Variants in PIAS1 observed in about 807,000 individuals in gnomAD.
PIAS1 encodes the protein protein inhibitor of activated STAT 1.
Under a neutral mutation model 71.3 loss-of-function variants are expected in PIAS1, and 6 were observed. The ratio of observed to expected loss-of-function variants is 0.08; its 90% CI spans 0.05 to 0.17. The LOEUF is 0.17. Among genes scored for constraint, PIAS1 ranks in the 10% least tolerant of loss-of-function variants. The probability of loss-of-function intolerance (pLI) is 1.00; values close to 1 mark genes in which losing one functional copy is unlikely to be tolerated. For missense variants in PIAS1, 555 were observed against 793.6 expected, an observed-to-expected ratio of 0.70 and a Z score of 3.61; for synonymous variants, 303 against 292.9, an observed-to-expected ratio of 1.03 and a Z score of -0.35.
Position 68,188,523 on chromosome 15 carries a change from A to G in PIAS1, c.*688A>G, listed in dbSNP as rs932472935. ...ATATAATCAGTTGCTTGCTTCTTTC[A>G]AAGTGCTTTGAAGGTCTTGAACTCA... is the stretch of plus-strand genomic sequence containing the variant. On this transcript the variant is annotated 3_prime_UTR_variant, in exon 14 of 14. Coordinates refer to ENST00000249636, the MANE Select transcript of PIAS1 (RefSeq NM_016166.3). The G allele has an allele frequency of 6.6e-6, 1 of 152,174 alleles. No homozygotes were observed. The highest frequency in any genetic ancestry group is 2.4e-5 in the African/African-American group (1 of 41,430). 9.4% of individuals were successfully genotyped at this position (152,174 alleles called of 1,614,324 possible).
Position 68,171,396 on chromosome 15 carries a change from G to A in PIAS1, c.1009-2336G>A, listed in dbSNP as rs1321472422. On this transcript the variant is annotated intron_variant, in intron 8 of 13. Transcript: ENST00000249636. This position sits in a 1 kb window ranked among gnomAD's most constrained non-coding sequence, Gnocchi z 4.4. ...CTCCAAAATAATGATAAAAAGTATAGTAAATACAGAAACCAGTAACATGGC... is the reference window on the plus strand; with the variant it reads ...CTCCAAAATAATGATAAAAAGTATAATAAATACAGAAACCAGTAACATGGC... 2.6e-5 allele frequency among the ~76,000 whole-genome samples: 4 copies of A among 152,054 alleles called. No individual in the cohort carries two copies. Among genetic ancestry groups the A allele is most frequent in the African/African-American group, 9.7e-5 (4 of 41,396 alleles).
intron 1 of PIAS1, among the ~76,000 whole-genome samples, chr15:68,061,144 G>T (rs1173564911): frequency 6.6e-6 from 1 of 152,188 alleles, no homozygotes. Flanking sequence ...GAAATTGATC[G>T]TACTCTAAAT....
At chr15:68,169,909 G>A (rs1458973467) in intron 8 of PIAS1, among the ~76,000 whole-genome samples, 2 of 152,084 alleles carry the variant, frequency 1.3e-5, no homozygotes, top group Non-Finnish European at 2.9e-5. Flanking sequence ...GAGTGATTAA[G>A]TAAAATAACA....
chr15:68,186,740 A>C lies in PIAS1; in HGVS notation c.1663-802A>C, dbSNP rs1567083246. Among the ~76,000 whole-genome samples the C allele has an allele frequency of 6.6e-6, 1 of 152,184 alleles. No individual in the cohort carries two copies. The highest frequency in any genetic ancestry group is 1.5e-5 in the Non-Finnish European group (1 of 68,030). On this transcript the variant is annotated intron_variant, in intron 13 of 13. Coordinates refer to ENST00000249636, the MANE Select transcript of PIAS1 (RefSeq NM_016166.3). This position sits in a 1 kb window ranked among gnomAD's most constrained non-coding sequence, Gnocchi z 4.4. ...ACCATATTTTTACTGTACCTTTTCT[A>C]TGTTGAGATATACACATACTTAGCA...
chr15:68,063,652 T>C (rs2091984841), intron 1 of PIAS1, among the ~76,000 whole-genome samples: 1 of 152,230 alleles, frequency 6.6e-6, no homozygotes, highest in African/African-American at 2.4e-5. Flanking sequence ...CTAAAAATTA[T>C]CTTTTTAAAA....
chr15:68,144,001 G>C (rs889137341), intron 4 of PIAS1, among the ~76,000 whole-genome samples: 2 of 151,880 alleles, frequency 1.3e-5, no homozygotes, highest in Non-Finnish European at 2.9e-5. Flanking sequence ...CTTTAAAGCA[G>C]CAACAGGTGT....
At chr15:68,114,822 A>G (rs527888219) in intron 2 of PIAS1, among the ~76,000 whole-genome samples, 29 of 152,152 alleles carry the variant, frequency 1.9e-4, no homozygotes, top group Middle Eastern at 3.4e-3. Flanking sequence ...CTGTGGAACA[A>G]TATAAAAGAT....
intron 2 of PIAS1, among the ~76,000 whole-genome samples, chr15:68,111,399 G>C (rs1361734094): frequency 6.6e-6 from 1 of 152,190 alleles, no homozygotes; most frequent in Non-Finnish European, 1.5e-5. Context: ...TATTGCAGGG[G>C]TGTAGTAATT....
At chr15:68,126,021 A>G (rs1052342114) in intron 2 of PIAS1, among the ~76,000 whole-genome samples, 4 of 151,752 alleles carry the variant, frequency 2.6e-5, no homozygotes, top group African/African-American at 9.7e-5. Flanking sequence ...CTTTTTCTGT[A>G]ACCTGTTCTT....
chr15:68,065,821 G>T (rs1555422381), intron 1 of PIAS1, among the ~76,000 whole-genome samples: 2 of 134,762 alleles, frequency 1.5e-5, no homozygotes, highest in Non-Finnish European at 3.1e-5. Flanking sequence ...GCTCACTGCA[G>T]CTTCGAACTC....
intron 8 of PIAS1, among the ~76,000 whole-genome samples, chr15:68,170,152 G>A (rs1361106623): frequency 6.6e-6 from 1 of 152,134 alleles, no homozygotes; most frequent in African/African-American, 2.4e-5. Context: ...GTTTCTAGTA[G>A]GAGGAGACAC....
intron 2 of PIAS1, among the ~76,000 whole-genome samples, chr15:68,098,944 T>A (rs868717645): frequency 6.6e-6 from 1 of 152,162 alleles, no homozygotes; most frequent in Non-Finnish European, 1.5e-5. Context: ...GTTGCCAAAT[T>A]TCCCTCTAGA....
intron 9 of PIAS1, among the ~76,000 whole-genome samples, 189 bp from the exon 10 acceptor site, chr15:68,175,448 C>T (rs550297966): frequency 6.6e-6 from 1 of 152,214 alleles, no homozygotes; most frequent in South Asian, 2.1e-4. Flanking sequence ...TGAACATTTT[C>T]CCATATGATT....
rs2092867683 is a variant in PIAS1 at position 68,153,888 on chromosome 15, T to C, written c.934+193T>C. 2.1e-5 allele frequency: 8 copies of C among 376,018 alleles called. No homozygotes were observed. In the South Asian group the frequency reaches 4.4e-4, roughly 21 times the overall value. The allele number at this position is 376,018 out of a possible 1,614,324, so 23.3% of individuals were successfully genotyped here. ...TTTACTAATCTTAAAATTAACTTTGTGAAGTCAGTGCACAAACATGGAAGA... is the reference window on the plus strand; with the variant it reads ...TTTACTAATCTTAAAATTAACTTTGCGAAGTCAGTGCACAAACATGGAAGA... On this transcript the variant is annotated intron_variant, in intron 7 of 13. Coordinates refer to ENST00000249636, the MANE Select transcript of PIAS1 (RefSeq NM_016166.3).
chr15:68,055,249 A>C (rs982289351), intron 1 of PIAS1: 7 of 977,892 alleles, frequency 7.2e-6, no homozygotes, highest in Non-Finnish European at 8.5e-6. Context: ...GTTCGTGTTT[A>C]TATCCCCCCA....
In PIAS1 at chr15:68,115,047, A is replaced by G. The variant is rs141960370; in HGVS notation, c.470-26899A>G. 1.6e-4 allele frequency among the ~76,000 whole-genome samples: 25 copies of G among 152,258 alleles called. No individual in the cohort carries two copies. In the East Asian group the frequency reaches 4.8e-3, roughly 29 times the overall value. On this transcript the variant is annotated intron_variant, in intron 2 of 13. Transcript: ENST00000249636. Reference sequence around the variant, plus strand: ...ATGACCATTGTAAGTACCCTTAATTATGAACACCACTAGAACATTTCATCT... The same window carrying G: ...ATGACCATTGTAAGTACCCTTAATTGTGAACACCACTAGAACATTTCATCT...
chr15:68,149,836 G>A (rs973858677), intron 6 of PIAS1, among the ~76,000 whole-genome samples: 2 of 151,802 alleles, frequency 1.3e-5, no homozygotes, highest in African/African-American at 2.4e-5. Context: ...TTTATTTCTT[G>A]TTCTACTACC....
intron 4 of PIAS1, among the ~76,000 whole-genome samples, chr15:68,143,763 A>G (rs1177438906): frequency 6.6e-6 from 1 of 152,008 alleles, no homozygotes; most frequent in Non-Finnish European, 1.5e-5. Flanking sequence ...GCATGGAGCC[A>G]CCCTTAGGGG....
At chr15:68,177,291 A>AAAAAAAAAG (rs1267160522) in intron 11 of PIAS1, among the ~76,000 whole-genome samples, 1 of 151,576 alleles carries the variant, frequency 6.6e-6, no homozygotes, top group Non-Finnish European at 1.5e-5. Flanking sequence ...AAAAAAAAAA[A>AAAAAAAAAG]AAAAAAGAAA....
Sources: allele counts gnomAD v4.1 joint callset (sites outside exome capture counted in the v4.1 genomes callset), GRCh38; gene constraint gnomAD v4.1.1; non-coding constraint Gnocchi (gnomAD v3.1); transcripts MANE v1.5; gene names NCBI Gene and HGNC (gene_info 2026-07-23, HGNC 2026-07-21).